Variants in CDH18 observed in about 807,000 individuals in gnomAD.
The protein encoded by CDH18 is cadherin 18.
CDH18 carries 31 observed loss-of-function variants against 67.9 expected under a neutral mutation model. That is an observed-to-expected ratio of 0.46 (90% CI 0.34 to 0.62). The LOEUF (loss-of-function observed/expected upper bound fraction) is 0.62. CDH18 is among the 20% of genes least tolerant of loss of function. CDH18 has a pLI of 0.01. For synonymous variants in CDH18, 362 were observed against 347.2 expected (o/e 1.04, Z -0.48); for missense variants, 890 against 975.5 (o/e 0.91, Z 1.17).
intron 3 of CDH18, among the ~76,000 whole-genome samples, chr5:19,817,094 T>C (rs1374694302): frequency 6.6e-6 from 1 of 151,768 alleles, no homozygotes; most frequent in African/African-American, 2.4e-5. Flanking sequence ...AAAGAAATAA[T>C]TACATCTCCT....
intron 4 of CDH18, among the ~76,000 whole-genome samples, chr5:19,736,397 C>T (rs1450743868): frequency 6.6e-6 from 1 of 152,032 alleles, no homozygotes; most frequent in Non-Finnish European, 1.5e-5. Context: ...AAATTATAGA[C>T]AGCTTCACAG....
chr5:19,612,319 CAAAAACA>C (rs1256715651), intron 6 of CDH18, 108 bp downstream of exon 6: 2 of 1,030,016 alleles, frequency 1.9e-6, no homozygotes, highest in Non-Finnish European at 2.9e-6. Context: ...TCATATAGTA[CAAAAACA>C]GAACAATTCC....
rs372367380 is a variant in CDH18, at chr5:20,297,305, C to T, written c.-579-41800G>A. Among the ~76,000 whole-genome samples the T allele has an allele frequency of 1.0e-3, 159 of 152,346 alleles. 4 individuals carry two copies. The South Asian group carries it at 0.029, about 28-fold the overall frequency. ...CCTCTGAACGAACTAGCCTTCCTCA[C>T]TTAAGAAAAGGAAATTGACACATTG... is the stretch of plus-strand genomic sequence containing the variant. On this transcript the variant is annotated intron_variant, in intron 1 of 14. Coordinates refer to the CDH18 transcript ENST00000507958.
chr5:19,562,239 T>A (rs1199705430), intron 8 of CDH18, among the ~76,000 whole-genome samples: 1 of 152,208 alleles, frequency 6.6e-6, no homozygotes, highest in Non-Finnish European at 1.5e-5. Flanking sequence ...TTACTGGTTA[T>A]TTTTCATCTT....
chr5:20,538,909 G>T (rs7729731), intron 1 of CDH18, among the ~76,000 whole-genome samples: 69,580 of 117,352 alleles, frequency 0.59, 22,343 homozygotes, highest in East Asian at 0.95. Flanking sequence ...TTTTTTTTTT[G>T]TTTTTTTTTT....
chr5:20,046,599 G>A (rs1740912306), intron 2 of CDH18, among the ~76,000 whole-genome samples: 1 of 148,814 alleles, frequency 6.7e-6, no homozygotes, highest in Non-Finnish European at 1.5e-5. Context: ...ATACCTATAT[G>A]TATGTAAATA....
At chr5:20,529,785 A>G (rs926919634) in intron 1 of CDH18, among the ~76,000 whole-genome samples, 1 of 152,024 alleles carries the variant, frequency 6.6e-6, no homozygotes, top group African/African-American at 2.4e-5. Context: ...AAATATCATA[A>G]TGAATGGGCA....
At chr5:19,948,659 C>T (rs892965896) in intron 2 of CDH18, among the ~76,000 whole-genome samples, 1 of 152,046 alleles carries the variant, frequency 6.6e-6, no homozygotes. Flanking sequence ...CGCTCACACA[C>T]ACACAAATAA....
intron 1 of CDH18, among the ~76,000 whole-genome samples, chr5:20,255,662 GT>G (rs542801806): frequency 7.4e-5 from 11 of 149,218 alleles, no homozygotes; most frequent in East Asian, 5.9e-4. Flanking sequence ...TGAACTGCGA[GT>G]TTTTTTTTTC....
At chr5:19,676,017 A>G (rs2150366116) in intron 5 of CDH18, among the ~76,000 whole-genome samples, 1 of 152,122 alleles carries the variant, frequency 6.6e-6, no homozygotes, top group African/African-American at 2.4e-5. Context: ...GTGATCTGAT[A>G]GAGCTGAAAA....
At position 20,033,943 on chromosome 5, in the gene CDH18, C is replaced by T. The variant is rs80273841; in HGVS notation, c.-517-41929G>A. 7.5e-3 allele frequency among the ~76,000 whole-genome samples: 1,134 copies of T among 152,006 alleles called. 10 individuals are homozygous for T. The highest frequency in any genetic ancestry group is 0.015 in the South Asian group (72 of 4,822). On this transcript the variant is annotated intron_variant, in intron 2 of 14. Coordinates refer to the CDH18 transcript ENST00000507958. ...TATATTTCTTTAAAAAGCATCTGAT[C>T]CTGAAGTGGCACAATATAAAAGAAG...
At chr5:20,110,683 G>T (rs975544149) in intron 2 of CDH18, among the ~76,000 whole-genome samples, 1 of 152,022 alleles carries the variant, frequency 6.6e-6, no homozygotes, top group Non-Finnish European at 1.5e-5. Context: ...AACAAATATT[G>T]TTTCACAGAT....
At chr5:20,270,113 A>T (rs1381557986) in intron 1 of CDH18, among the ~76,000 whole-genome samples, 2 of 151,988 alleles carry the variant, frequency 1.3e-5, no homozygotes, top group Non-Finnish European at 2.9e-5. Context: ...TACATAAACA[A>T]GGAAAAGTAA....
intron 2 of CDH18, among the ~76,000 whole-genome samples, chr5:20,109,209 C>T (rs976985260): frequency 7.2e-5 from 11 of 152,126 alleles, no homozygotes; most frequent in Admixed American, 7.2e-4. Flanking sequence ...ATTGAGACTG[C>T]CCCTATAAAC....
chr5:19,622,670 C>A (rs1750902741), intron 5 of CDH18, among the ~76,000 whole-genome samples: 1 of 152,218 alleles, frequency 6.6e-6, no homozygotes. Flanking sequence ...GTTAATGACA[C>A]CATGTAGAGA....
At chr5:19,512,046 C>G (rs923866205) in intron 10 of CDH18, among the ~76,000 whole-genome samples, 1 of 152,022 alleles carries the variant, frequency 6.6e-6, no homozygotes, top group South Asian at 2.1e-4. Flanking sequence ...GACTTGGTGC[C>G]CTGCATCCAA....
At chr5:20,405,071 A>G (rs1746111847) in intron 1 of CDH18, among the ~76,000 whole-genome samples, 1 of 152,172 alleles carries the variant, frequency 6.6e-6, no homozygotes. Context: ...TCTTCACAGA[A>G]TTGGGAAAAA....
intron 6 of CDH18, 86 bp downstream of exon 6, chr5:19,612,348 C>T: frequency 7.6e-7 from 1 of 1,323,782 alleles, no homozygotes; most frequent in Non-Finnish European, 1.1e-6. Flanking sequence ...CTTAAGAAAA[C>T]AGTAACATAA....
chr5:19,666,237 T>TTATGATTA (rs1757908537), intron 5 of CDH18, among the ~76,000 whole-genome samples: 2 of 128,162 alleles, frequency 1.6e-5, no homozygotes, highest in African/African-American at 3.1e-5. Context: ...CTGTATGATT[T>TTATGATTA]TTATTATTAT....
Sources: gnomAD v4.1 joint callset for allele counts (sites outside exome capture counted in the v4.1 genomes callset) on GRCh38, gnomAD v4.1.1 for gene constraint, MANE v1.5 for transcripts, NCBI Gene and HGNC (gene_info 2026-07-23, HGNC 2026-07-21) for gene names.